UBE2Q2: variants seen among roughly 807,000 people sequenced by gnomAD.
The protein encoded by UBE2Q2 is ubiquitin conjugating enzyme E2 Q2, also known as ubiquitin-conjugating enzyme E2 Q2.
Under a neutral mutation model 59.9 loss-of-function variants are expected in UBE2Q2, and 54 were observed. That is an observed-to-expected ratio of 0.90 (90% CI 0.72 to 1.13). The LOEUF (loss-of-function observed/expected upper bound fraction) is 1.13, where lower values mean the gene tolerates loss of function less well. Among genes scored for constraint, UBE2Q2 ranks in the 50% most tolerant of loss-of-function variants. The pLI is 0.00. For missense variants in UBE2Q2, 433 were observed against 441.9 expected, an observed-to-expected ratio of 0.98 and a Z score of 0.18; for synonymous variants, 165 against 155.2, an observed-to-expected ratio of 1.06 and a Z score of -0.47.
chr15:75,867,346 G>A lies in UBE2Q2; in HGVS notation c.388-1605G>A, dbSNP rs181614480. 2.9e-3 allele frequency among the ~76,000 whole-genome samples: 435 copies of A among 152,190 alleles called. 3 individuals carry two copies. Among genetic ancestry groups the A allele is most frequent in the African/African-American group, 9.9e-3 (413 of 41,558 alleles). ...ACAGTAAAGAATGTCTGATTCTTCT[G>A]AAAAAAAGTGGTCCCTGCATTATTT... On this transcript the variant is annotated intron_variant, in intron 3 of 12. Transcript: ENST00000267938.
At chr15:75,867,173 A>G (rs184289442) in intron 3 of UBE2Q2, among the ~76,000 whole-genome samples, 73 of 152,298 alleles carry the variant, frequency 4.8e-4, no homozygotes, top group African/African-American at 1.7e-3. Context: ...GCTAAAAGGA[A>G]GAGGTGGAGT....
intron 12 of UBE2Q2, among the ~76,000 whole-genome samples, chr15:75,897,557 A>G (rs1168844564): frequency 1.3e-5 from 2 of 150,988 alleles, no homozygotes; most frequent in Non-Finnish European, 2.9e-5. Flanking sequence ...TTTGTATCCT[A>G]TACACTTGGC....
chr15:75,847,679 G>A (rs887044383), intron 1 of UBE2Q2, among the ~76,000 whole-genome samples: 1 of 152,032 alleles, frequency 6.6e-6, no homozygotes, highest in African/African-American at 2.4e-5. Flanking sequence ...CTTATTGGGA[G>A]CTAGTATATG....
chr15:75,868,161 T>C (rs1016847490), intron 3 of UBE2Q2, among the ~76,000 whole-genome samples: 2 of 152,230 alleles, frequency 1.3e-5, no homozygotes, highest in Non-Finnish European at 2.9e-5. Context: ...TTGGTCTTAC[T>C]TGATCTCTGG....
chr15:75,851,314 G>C (rs1896625063), intron 1 of UBE2Q2, among the ~76,000 whole-genome samples: 3 of 150,774 alleles, frequency 2.0e-5, no homozygotes, highest in African/African-American at 7.3e-5. Flanking sequence ...CTTCTTTTTT[G>C]ATGCTCTATC....
At chr15:75,872,249 A>C (rs1476411250) in intron 4 of UBE2Q2, among the ~76,000 whole-genome samples, 1 of 152,018 alleles carries the variant, frequency 6.6e-6, no homozygotes, top group African/African-American at 2.4e-5. Flanking sequence ...AAATAAACCC[A>C]AAAAGGAGGC....
chr15:75,882,624 T>C (rs1898495873), intron 8 of UBE2Q2, among the ~76,000 whole-genome samples: 1 of 152,228 alleles, frequency 6.6e-6, no homozygotes. Context: ...GTGAGCTACT[T>C]TATTTGAAAG....
rs919134588 is a variant in UBE2Q2, at chr15:75,900,908, A to G, written c.*1450A>G. 2 of 152,634 alleles carry G rather than the reference A, an allele frequency of 1.3e-5. No individual in the cohort carries two copies. The highest frequency in any genetic ancestry group is 2.4e-5 in the African/African-American group (1 of 41,448). The allele number at this position is 152,634 out of a possible 1,614,324, so 9.5% of individuals were successfully genotyped here. A position where few individuals can be genotyped will look rare whatever the true frequency, so the allele number is the denominator to read the frequency against. On this transcript the variant is annotated 3_prime_UTR_variant, in exon 13 of 13. Transcript: ENST00000267938. ...CATTGTTGAATTCTTTAATATCCTG[A>G]TGGCAAGCAGACTGATAGCTGCACA... is the stretch of plus-strand genomic sequence containing the variant.
chr15:75,876,072 A>AG, intron 5 of UBE2Q2, 115 bp from the exon 6 acceptor site: 1 of 1,084,754 alleles, frequency 9.2e-7, no homozygotes, highest in Non-Finnish European at 1.3e-6. Flanking sequence ...CTCCAAAAAA[A>AG]AAAAAAAAAA....
At position 75,869,001 on chromosome 15, in the gene UBE2Q2, G is replaced by C; in HGVS notation, c.438G>C (p.Glu146Asp). The C allele has an allele frequency of 6.2e-7, 1 of 1,611,738 alleles. No individual in the cohort carries two copies. The highest frequency in any genetic ancestry group is 8.5e-7 in the Non-Finnish European group (1 of 1,178,352). ...VTSEEEEEEE[E>D]MAEDIEDLDH... ...CAGAAGAAGAGGAAGAAGAAGAAGA[G>C]ATGGCTGAAGTAGGTATTTTATATA... Residue 146 changes from glutamate (E) to aspartate (D), a missense_variant, in exon 4 of 13, where the codon GAG (glutamate) becomes GAC (aspartate). Glu to Asp is a conservative substitution (Grantham distance 45). Transcript: ENST00000267938.
At chr15:75,899,279 A>AAT (rs891736430) in intron 12 of UBE2Q2, 148 bp from the exon 13 acceptor site, 5 of 226,614 alleles carry the variant, frequency 2.2e-5, no homozygotes, top group Middle Eastern at 3.8e-3. Flanking sequence ...TGTCTCAAAA[A>AAT]ATATATATAT....
In UBE2Q2 at chr15:75,877,945, C is replaced by T. The variant is rs1405566819; in HGVS notation, c.674-16C>T. 2 of 1,608,682 alleles carry T rather than the reference C, an allele frequency of 1.2e-6. No individual in the cohort carries two copies. Among genetic ancestry groups the T allele is most frequent in the Non-Finnish European group, 8.5e-7 (1 of 1,176,148 alleles). On this transcript the variant is annotated splice_polypyrimidine_tract_variant and intron_variant, in intron 6 of 12. Transcript: ENST00000267938. ...GATGAAATGAAGAGTAGCTAACATG[C>T]TCTATATCTTAACAGGGATTTATTC... is the stretch of plus-strand genomic sequence containing the variant.
chr15:75,890,022 G>GGGTAAGGTCAGTGTCATTGT (rs1277326626), intron 9 of UBE2Q2, among the ~76,000 whole-genome samples: 6 of 152,320 alleles, frequency 3.9e-5, no homozygotes, highest in Middle Eastern at 3.4e-3. Flanking sequence ...AGCATGGATA[G>GGGTAAGGTCAGTGTCATTGT]GGTAAGGTCA....
intron 7 of UBE2Q2, among the ~76,000 whole-genome samples, chr15:75,878,566 C>T (rs1488382378): frequency 7.5e-6 from 1 of 133,290 alleles, no homozygotes; most frequent in African/African-American, 2.8e-5. Flanking sequence ...CACTATATTC[C>T]AGCCTGGGCA....
intron 7 of UBE2Q2, among the ~76,000 whole-genome samples, chr15:75,878,763 T>C (rs1442384906): frequency 6.6e-6 from 1 of 152,132 alleles, no homozygotes; most frequent in Non-Finnish European, 1.5e-5. Flanking sequence ...TGGCTAATAA[T>C]GTAAGTTTAA....
chr15:75,863,332 T>G (rs1378899558), intron 3 of UBE2Q2, among the ~76,000 whole-genome samples: 2 of 152,240 alleles, frequency 1.3e-5, no homozygotes, highest in African/African-American at 4.8e-5. Flanking sequence ...CCATTCCTTT[T>G]TTGTAATTGT....
intron 11 of UBE2Q2, among the ~76,000 whole-genome samples, chr15:75,891,678 G>T (rs554711221): frequency 6.6e-6 from 1 of 152,150 alleles, no homozygotes; most frequent in Non-Finnish European, 1.5e-5. Context: ...CAACCAAGAG[G>T]AGCTGAGAGC....
At chr15:75,868,133 A>T (rs983978727) in intron 3 of UBE2Q2, among the ~76,000 whole-genome samples, 3 of 152,150 alleles carry the variant, frequency 2.0e-5, no homozygotes, top group Non-Finnish European at 2.9e-5. Context: ...AGATGCTTAG[A>T]TACTGCCGAG....
At chr15:75,857,757 CAAA>C (rs35989972) in intron 2 of UBE2Q2, among the ~76,000 whole-genome samples, 1 of 121,704 alleles carries the variant, frequency 8.2e-6, no homozygotes, top group African/African-American at 3.1e-5. Flanking sequence ...CTGTTGTAGG[CAAA>C]AAAAAAAAAA....
Sources: allele counts gnomAD v4.1 joint callset (sites outside exome capture counted in the v4.1 genomes callset), GRCh38; gene constraint gnomAD v4.1.1; transcripts MANE v1.5; gene names NCBI Gene and HGNC (gene_info 2026-07-23, HGNC 2026-07-21).